The following GRM3 variants were observed in gnomAD, a reference collection of about 807,000 sequenced individuals.
GRM3 encodes glutamate metabotropic receptor 3.
In GRM3, 26 loss-of-function variants were observed where a neutral mutation model predicts 70.5. That is an observed-to-expected ratio of 0.37 (90% CI 0.27 to 0.51). The LOEUF (loss-of-function observed/expected upper bound fraction) is 0.51. Ranked by LOEUF, GRM3 falls within the 20% of genes least tolerant of loss-of-function variation. The probability of loss-of-function intolerance (pLI) is 0.93; values close to 1 mark genes in which losing one functional copy is unlikely to be tolerated. For missense variants in GRM3, 859 were observed against 1,123.8 expected, an observed-to-expected ratio of 0.76 and a Z score of 3.37; for synonymous variants, 443 against 434.9, an observed-to-expected ratio of 1.02 and a Z score of -0.23.
intron 1 of GRM3, among the ~76,000 whole-genome samples, chr7:86,751,758 A>G (rs960465385): frequency 2.0e-5 from 3 of 152,082 alleles, no homozygotes; most frequent in Non-Finnish European, 4.4e-5. Context: ...CTGGCTTGCT[A>G]TTATAATGAG....
chr7:86,807,415 T>G (rs1413117143), intron 3 of GRM3, among the ~76,000 whole-genome samples: 1 of 149,016 alleles, frequency 6.7e-6, no homozygotes, highest in African/African-American at 2.5e-5. Context: ...TCCTCTTTTA[T>G]TTTGTTGAGC....
intron 2 of GRM3, among the ~76,000 whole-genome samples, chr7:86,780,687 T>C (rs1267144562): frequency 6.6e-6 from 1 of 152,222 alleles, no homozygotes; most frequent in African/African-American, 2.4e-5. Context: ...AATCTGACTC[T>C]GATATTTATA....
chr7:86,755,723 G>C (rs554657621), intron 1 of GRM3, among the ~76,000 whole-genome samples: 25 of 152,216 alleles, frequency 1.6e-4, no homozygotes, highest in Admixed American at 1.5e-3. Context: ...CATGGCTGTT[G>C]AATTATGGGG....
chr7:86,748,731 G>A (rs1190937809), intron 1 of GRM3, among the ~76,000 whole-genome samples: 2 of 151,916 alleles, frequency 1.3e-5, no homozygotes, highest in Non-Finnish European at 2.9e-5. Flanking sequence ...TACATTAAAA[G>A]GTATACTGTG....
intron 1 of GRM3, among the ~76,000 whole-genome samples, chr7:86,710,972 C>T (rs558631254): frequency 2.6e-5 from 4 of 152,006 alleles, no homozygotes; most frequent in Non-Finnish European, 5.9e-5. Context: ...GGTTGTCTGG[C>T]TCCATTATTC....
At chr7:86,828,259 A>T (rs1250692665) in intron 3 of GRM3, among the ~76,000 whole-genome samples, 1 of 152,146 alleles carries the variant, frequency 6.6e-6, no homozygotes, top group Non-Finnish European at 1.5e-5. Flanking sequence ...TACCAAAAAA[A>T]TCACAACGAG....
chr7:86,771,298 G>T (rs1336927705), intron 2 of GRM3, among the ~76,000 whole-genome samples: 1 of 152,036 alleles, frequency 6.6e-6, no homozygotes, highest in Non-Finnish European at 1.5e-5. Context: ...TTAAGTAATT[G>T]CAAAGGAAGT....
intron 1 of GRM3, among the ~76,000 whole-genome samples, chr7:86,721,136 G>A (rs1795451897): frequency 6.6e-6 from 1 of 152,048 alleles, no homozygotes; most frequent in South Asian, 2.1e-4. Context: ...ACTGGTGATA[G>A]AGACAGCTGT....
chr7:86,787,138 ATCT>A, intron 3 of GRM3, 22 bp downstream of exon 3: 1 of 1,565,902 alleles, frequency 6.4e-7, no homozygotes. Context: ...GCCTTTAAAC[ATCT>A]TCTCAGATGC....
chr7:86,644,629 G>A lies in GRM3; in HGVS notation c.-384G>A. On this transcript the variant is annotated 5_prime_UTR_variant, in exon 1 of 6. The change creates a premature stop within an existing upstream ORF in the 5' untranslated region. Transcript: ENST00000361669. ...CTGGATGTTCTGCCACCGGGCAGTGGTCCAGCGTGCAGCCGGGAGGGGGCA... is the reference window on the plus strand; with the variant it reads ...CTGGATGTTCTGCCACCGGGCAGTGATCCAGCGTGCAGCCGGGAGGGGGCA... 2.2e-6 allele frequency: 1 copy of A among 462,376 alleles called. No individual in the cohort carries two copies. The highest frequency in any genetic ancestry group is 1.6e-5 in the South Asian group (1 of 61,728). The allele number at this position is 462,376 out of a possible 1,614,324, so 28.6% of individuals were successfully genotyped here.
intron 1 of GRM3, among the ~76,000 whole-genome samples, chr7:86,706,731 C>A (rs1464061101): frequency 6.6e-6 from 1 of 151,876 alleles, no homozygotes; most frequent in Non-Finnish European, 1.5e-5. Flanking sequence ...GAACTAGGAA[C>A]ACTGACCATA....
Position 86,667,401 on chromosome 7 carries a change from T to A in GRM3, c.-141+22529T>A, listed in dbSNP as rs183404338. On this transcript the variant is annotated intron_variant, in intron 1 of 5. Coordinates refer to ENST00000361669, the MANE Select transcript of GRM3 (RefSeq NM_000840.3). The stretch of plus-strand genomic sequence containing the variant: ...ATATCACAGTAAGAATCTCAATTTA[T>A]CCTTTAGGATTGTTTTTTAGTTCTG... Among the ~76,000 whole-genome samples, 41 of 152,272 alleles carry A rather than the reference T, an allele frequency of 2.7e-4. 1 individual carries two copies.
At chr7:86,790,657 T>C (rs1251662064) in intron 3 of GRM3, among the ~76,000 whole-genome samples, 1 of 152,070 alleles carries the variant, frequency 6.6e-6, no homozygotes, top group Admixed American at 6.5e-5. Flanking sequence ...TGTCCTCACC[T>C]TTTACTCTCC....
intron 1 of GRM3, among the ~76,000 whole-genome samples, chr7:86,687,651 C>T (rs1271420683): frequency 2.0e-5 from 3 of 151,720 alleles, no homozygotes; most frequent in Non-Finnish European, 4.4e-5. Context: ...GAAAAATGAT[C>T]TCATAGACAT....
At chr7:86,818,629 C>A (rs10268818) in intron 3 of GRM3, among the ~76,000 whole-genome samples, 22,885 of 152,028 alleles carry the variant, frequency 0.15, 1,917 homozygotes, top group Middle Eastern at 0.26. Flanking sequence ...CATACATATA[C>A]CTTATGATTT....
chr7:86,841,366 T>C (rs1183137969), intron 4 of GRM3, among the ~76,000 whole-genome samples: 1 of 152,122 alleles, frequency 6.6e-6, no homozygotes, highest in Non-Finnish European at 1.5e-5. Flanking sequence ...TGGAAAATTT[T>C]AAAAAGAGGA....
chr7:86,854,641 C>T (rs1035268897), intron 5 of GRM3, among the ~76,000 whole-genome samples: 8 of 152,122 alleles, frequency 5.3e-5, no homozygotes, highest in African/African-American at 1.4e-4. Context: ...CCTGGTCCCA[C>T]CCATAGATAT....
At chr7:86,797,375 G>A (rs893537727) in intron 3 of GRM3, among the ~76,000 whole-genome samples, 1 of 152,220 alleles carries the variant, frequency 6.6e-6, no homozygotes, top group Non-Finnish European at 1.5e-5. Flanking sequence ...GGGAACTGGA[G>A]CAAAGGCAAC....
chr7:86,699,272 A>AT (rs557321583), intron 1 of GRM3, among the ~76,000 whole-genome samples: 146 of 152,168 alleles, frequency 9.6e-4, no homozygotes, highest in African/African-American at 3.3e-3. Flanking sequence ...TATGTAGGAA[A>AT]TTAGAAACAA....
Sources: allele counts gnomAD v4.1 joint callset (sites outside exome capture counted in the v4.1 genomes callset), GRCh38; gene constraint gnomAD v4.1.1; transcripts MANE v1.5; gene names NCBI Gene and HGNC (gene_info 2026-07-23, HGNC 2026-07-21).